Variants in FAM204A observed in about 807,000 individuals in gnomAD.
The protein encoded by FAM204A is protein FAM204A.
A neutral mutation model predicts 35.4 loss-of-function variants in FAM204A; 16 were observed. The observed-to-expected ratio is 0.45, with a 90% CI of 0.31 to 0.69. The LOEUF is 0.69. Ranked by LOEUF, FAM204A falls within the 30% of genes least tolerant of loss-of-function variation. FAM204A has a pLI of 0.07. For missense variants in FAM204A, 240 were observed against 265.7 expected (o/e 0.90, Z 0.67); for synonymous variants, 76 against 86.9 (o/e 0.88, Z 0.70).
At chr10:118,321,003 T>C (rs1846107633) in intron 7 of FAM204A, among the ~76,000 whole-genome samples, 1 of 151,156 alleles carries the variant, frequency 6.6e-6, no homozygotes. Context: ...ATTGGTTTCA[T>C]AGGTTTATAA....
intron 2 of FAM204A, among the ~76,000 whole-genome samples, chr10:118,338,517 CT>C: frequency 6.6e-6 from 1 of 152,198 alleles, no homozygotes; most frequent in South Asian, 2.1e-4. Flanking sequence ...AGAAATAACT[CT>C]TTCCCTTCCT....
intron 2 of FAM204A, 55 bp from the exon 3 acceptor site, chr10:118,336,478 A>G: frequency 3.4e-6 from 5 of 1,466,120 alleles, no homozygotes; most frequent in Non-Finnish European, 4.6e-6. Flanking sequence ...AATAATTTTA[A>G]GACCATTAGA....
chr10:118,330,667 G>A (rs962262685), intron 6 of FAM204A, among the ~76,000 whole-genome samples: 1 of 152,114 alleles, frequency 6.6e-6, no homozygotes. Flanking sequence ...TTTTAGCTCT[G>A]AAAAACTCCT....
intron 8 of FAM204A, 116 bp downstream of exon 8, chr10:118,311,091 C>A (rs746755209): frequency 9.1e-7 from 1 of 1,099,540 alleles, no homozygotes; most frequent in Non-Finnish European, 1.3e-6. Context: ...AAACATTCAA[C>A]GAAGAAAAAA....
intron 7 of FAM204A, among the ~76,000 whole-genome samples, chr10:118,320,329 C>T (rs1250082303): frequency 6.6e-6 from 1 of 150,950 alleles, no homozygotes; most frequent in African/African-American, 2.4e-5. Context: ...TTAGTTAAAT[C>T]TGCTTCCTTT....
At chr10:118,329,894 C>A (rs901948939) in intron 6 of FAM204A, among the ~76,000 whole-genome samples, 4 of 152,038 alleles carry the variant, frequency 2.6e-5, no homozygotes, top group Non-Finnish European at 5.9e-5. Flanking sequence ...TGAGAAGCTT[C>A]CAGAGAATTC....
In FAM204A at chr10:118,308,460, GATAAA is replaced by G. The variant is rs1330034422; in HGVS notation, c.*2392_*2396del. On this transcript the variant is annotated 3_prime_UTR_variant, in exon 9 of 9. Transcript: ENST00000369183. ...AAAATACCTAATTCCTATTAGAAAG[GATAAA>G]ATAAAACTGCTCTCAAATGACATGT... The G allele has an allele frequency of 3.9e-5, 6 of 152,122 alleles. No individual in the cohort carries two copies. Among genetic ancestry groups the G allele is most frequent in the African/African-American group, 1.4e-4 (6 of 41,414 alleles). 9.4% of individuals were successfully genotyped at this position (152,122 alleles called of 1,614,324 possible). A position where few individuals can be genotyped will look rare whatever the true frequency, so the allele number is the denominator to read the frequency against.
At chr10:118,336,072 C>T in intron 3 of FAM204A, 110 bp downstream of exon 3, 1 of 1,257,690 alleles carries the variant, frequency 8.0e-7, no homozygotes, top group South Asian at 1.5e-5. Context: ...GAGTCCATCT[C>T]CCTCCCTGTT....
intron 7 of FAM204A, among the ~76,000 whole-genome samples, chr10:118,318,087 A>G (rs1375397338): frequency 6.6e-6 from 1 of 152,048 alleles, no homozygotes; most frequent in African/African-American, 2.4e-5. Flanking sequence ...GAAATACACC[A>G]AAAAGAAAAT....
intron 7 of FAM204A, among the ~76,000 whole-genome samples, chr10:118,324,058 T>G (rs1247713383): frequency 6.6e-6 from 1 of 152,142 alleles, no homozygotes; most frequent in African/African-American, 2.4e-5. Flanking sequence ...TATGGCACCA[T>G]TCAACACACT....
chr10:118,315,125 A>G (rs1589720315), intron 7 of FAM204A, among the ~76,000 whole-genome samples: 1 of 152,066 alleles, frequency 6.6e-6, no homozygotes, highest in East Asian at 1.9e-4. Context: ...CGTCTGCATA[A>G]CCTCAAGCAA....
chr10:118,320,932 G>C (rs1328495161), intron 7 of FAM204A, among the ~76,000 whole-genome samples: 1 of 149,298 alleles, frequency 6.7e-6, no homozygotes, highest in Admixed American at 6.7e-5. Context: ...CTGTTTTCAA[G>C]GCCTATTCTC....
At chr10:118,313,943 C>A (rs1348385367) in intron 7 of FAM204A, among the ~76,000 whole-genome samples, 3 of 152,192 alleles carry the variant, frequency 2.0e-5, no homozygotes, top group Non-Finnish European at 4.4e-5. Context: ...TATGTCTGGG[C>A]ATGCAGTCAT....
chr10:118,311,648 G>T (rs911161248), intron 7 of FAM204A, among the ~76,000 whole-genome samples: 2 of 152,142 alleles, frequency 1.3e-5, no homozygotes, highest in Non-Finnish European at 1.5e-5. Context: ...CCCTGATAAG[G>T]CTGCAGACAC....
Position 118,303,224 on chromosome 10 carries a change from A to C in FAM204A, c.*7633T>G, listed in dbSNP as rs142768231. 1 of 152,330 alleles carries C rather than the reference A, an allele frequency of 6.6e-6. No individual in the cohort carries two copies. The highest frequency in any genetic ancestry group is 1.9e-4 in the East Asian group (1 of 5,180). 9.4% of individuals were successfully genotyped at this position (152,330 alleles called of 1,614,324 possible). ...TGCAAGAGCACTGTATGGGAAGAGT[A>C]ATGAAAGAAGAATTTCAGATTTTCA... is the stretch of plus-strand genomic sequence containing the variant. On this transcript the variant is annotated 3_prime_UTR_variant, in exon 9 of 9. Transcript: ENST00000369183.
chr10:118,315,627 T>C (rs534788130), intron 7 of FAM204A, among the ~76,000 whole-genome samples: 129 of 152,178 alleles, frequency 8.5e-4, no homozygotes, highest in Non-Finnish European at 1.2e-3. Flanking sequence ...TTAAGGTCTT[T>C]AATTTTTATA....
chr10:118,338,726 T>G (rs1398950519), intron 2 of FAM204A, among the ~76,000 whole-genome samples: 1 of 152,184 alleles, frequency 6.6e-6, no homozygotes, highest in Non-Finnish European at 1.5e-5. Flanking sequence ...CGTGTATGCC[T>G]CTCCAATGGG....
At position 118,335,203 on chromosome 10, in the gene FAM204A, A is replaced by T; in HGVS notation, c.364T>A (p.Ser122Thr). The T allele has an allele frequency of 6.2e-7, 1 of 1,612,940 alleles. No individual in the cohort carries two copies. Among genetic ancestry groups the T allele is most frequent in the Middle Eastern group, 1.7e-4 (1 of 5,962 alleles). Residue 122 changes from serine to threonine, a missense_variant, in exon 6 of 9, where the codon TCA becomes ACA. By Grantham distance (58) the Ser-to-Thr change is moderately conservative. Around this residue, in one of 2 missense-constraint regions of FAM204A, gnomAD observed 232 missense variants for 242.8 expected, o/e 0.96. Coordinates refer to ENST00000369183, the MANE Select transcript of FAM204A (RefSeq NM_022063.3). Reference protein sequence around the residue: ...NEKELHSEPSSNETQWKELTQ... With the variant: ...NEKELHSEPSTNETQWKELTQ... ...AGCTCTTTCCACTGGGTTTCATTTGAGGACGGTTCACTAAAAGAAGATAGT... is the reference window on the plus strand; with the variant it reads ...AGCTCTTTCCACTGGGTTTCATTTGTGGACGGTTCACTAAAAGAAGATAGT...
Position 118,326,147 on chromosome 10 carries a change from G to A in FAM204A, c.543+7C>T. ...AATACAGAAAATGTGTAACCCTTTT[G>A]ACTCACCTCTCGAGTAGCTAGCTGG... is the stretch of plus-strand genomic sequence containing the variant. On this transcript the variant is annotated splice_region_variant and intron_variant, in intron 7 of 8. Coordinates refer to ENST00000369183, the MANE Select transcript of FAM204A (RefSeq NM_022063.3). 1 of 1,609,636 alleles carries A rather than the reference G, an allele frequency of 6.2e-7. No individual in the cohort carries two copies. The highest frequency in any genetic ancestry group is 8.5e-7 in the Non-Finnish European group (1 of 1,177,220).
Sources: gnomAD v4.1 joint callset for allele counts (sites outside exome capture counted in the v4.1 genomes callset) on GRCh38, gnomAD v4.1.1 for gene constraint, gnomAD v4.1.1 regional missense constraint, MANE v1.5 for transcripts, NCBI Gene and HGNC (gene_info 2026-07-23, HGNC 2026-07-21) for gene names.